The following PDE3A variants were observed in gnomAD, a reference collection of about 807,000 sequenced individuals.
PDE3A encodes phosphodiesterase 3A, also known as cGMP-inhibited 3',5'-cyclic phosphodiesterase 3A.
PDE3A carries 43 observed loss-of-function variants against 98.3 expected under a neutral mutation model. That is an observed-to-expected ratio of 0.44 (90% confidence interval 0.34 to 0.56). The LOEUF (loss-of-function observed/expected upper bound fraction) is 0.56, where lower values mean the gene tolerates loss of function less well. Among genes scored for constraint, PDE3A ranks in the 20% least tolerant of loss-of-function variants. The pLI is 0.01. For missense variants in PDE3A, 1,427 were observed against 1,440.7 expected, an observed-to-expected ratio of 0.99 and a Z score of 0.15; for synonymous variants, 663 against 567.9, an observed-to-expected ratio of 1.17 and a Z score of -2.38.
At chr12:20,417,576 A>G (rs1017022574) in intron 1 of PDE3A, among the ~76,000 whole-genome samples, 1 of 152,232 alleles carries the variant, frequency 6.6e-6, no homozygotes, top group Non-Finnish European at 1.5e-5. Context: ...ATCAAGAAAT[A>G]TGTGAGTTCA....
chr12:20,441,289 G>A (rs10770660), intron 1 of PDE3A, among the ~76,000 whole-genome samples: 75,918 of 151,884 alleles, frequency 0.5, 19,371 homozygotes, highest in Admixed American at 0.58. Flanking sequence ...AGGATCCTTC[G>A]TGGAGCAGAT....
chr12:20,572,445 C>T (rs1427302176), intron 2 of PDE3A, among the ~76,000 whole-genome samples: 3 of 152,022 alleles, frequency 2.0e-5, no homozygotes, highest in Admixed American at 6.6e-5. Context: ...ATTTTATTAA[C>T]TTAGAACTGT....
chr12:20,591,599 G>A (rs1943339913), intron 2 of PDE3A, among the ~76,000 whole-genome samples: 1 of 152,336 alleles, frequency 6.6e-6, no homozygotes, highest in Non-Finnish European at 1.5e-5. Context: ...AGGGATCAGA[G>A]GAAGAAAGAA....
intron 1 of PDE3A, among the ~76,000 whole-genome samples, chr12:20,378,438 C>T (rs757202852): frequency 5.3e-5 from 8 of 151,494 alleles, no homozygotes; most frequent in South Asian, 2.1e-4. Flanking sequence ...ATGTGTATAA[C>T]GTTTATATCT....
chr12:20,566,219 CT>C (rs1260676051), intron 2 of PDE3A, among the ~76,000 whole-genome samples: 1 of 151,340 alleles, frequency 6.6e-6, no homozygotes, highest in Non-Finnish European at 1.5e-5. Context: ...TTTTTTTCTC[CT>C]TTTTTGGTGG....
chr12:20,404,826 G>GTTTTTTT lies in PDE3A; in HGVS notation c.960+34598_960+34604dup, dbSNP rs60736941. ...ATTCCACACATGTGTAGGTTACAGAGTTTTTTTTTTTTTTTTTTTTTTGAG... is the reference window on the plus strand; with the variant it reads ...ATTCCACACATGTGTAGGTTACAGAGTTTTTTTTTTTTTTTTTTTTTTTTTTTTTGAG... On this transcript the variant is annotated intron_variant, in intron 1 of 15. Transcript: ENST00000359062. Among the ~76,000 whole-genome samples the GTTTTTTT allele has an allele frequency of 5.7e-4, 54 of 95,082 alleles. 3 individuals are homozygous for GTTTTTTT. Among genetic ancestry groups the GTTTTTTT allele is most frequent in the East Asian group, 1.5e-3 (4 of 2,670 alleles). 62.4% of individuals were successfully genotyped at this position (95,082 alleles called of 152,430 possible). A position where few individuals can be genotyped will look rare whatever the true frequency, so the allele number is the denominator to read the frequency against.
intron 15 of PDE3A, among the ~76,000 whole-genome samples, chr12:20,678,702 A>C (rs1945697886): frequency 6.6e-6 from 1 of 152,226 alleles, no homozygotes; most frequent in South Asian, 2.1e-4. Context: ...ATGCATAAGC[A>C]AAGGAGAAAG....
At chr12:20,509,343 T>C (rs1412327625) in intron 1 of PDE3A, among the ~76,000 whole-genome samples, 1 of 150,160 alleles carries the variant, frequency 6.7e-6, no homozygotes, top group African/African-American at 2.4e-5. Context: ...TTTAGTGTTC[T>C]GGGCTTCTAG....
At position 20,552,605 on chromosome 12, in the gene PDE3A, C is replaced by A; in HGVS notation, c.961-4055C>A. 6.2e-7 allele frequency: 1 copy of A among 1,613,718 alleles called. No individual in the cohort carries two copies. The highest frequency in any genetic ancestry group is 2.2e-5 in the East Asian group (1 of 44,842). On this transcript the variant is annotated intron_variant, in intron 1 of 15. Coordinates refer to ENST00000359062, the MANE Select transcript of PDE3A (RefSeq NM_000921.5). This position sits in a 1 kb window ranked among gnomAD's most constrained non-coding sequence, Gnocchi z 5.1. ...TCGGCAGGAGGTGGCCCGAGCAGGG[C>A]CGGGTCCCCGCGCCGGACATCCAAG...
At chr12:20,610,633 AATGG>A (rs1170295215) in intron 2 of PDE3A, among the ~76,000 whole-genome samples, 1 of 151,986 alleles carries the variant, frequency 6.6e-6, no homozygotes, top group African/African-American at 2.4e-5. Flanking sequence ...TCCATGAATG[AATGG>A]ATGAAGAAAA....
chr12:20,545,777 C>CAA lies in PDE3A; in HGVS notation c.961-10871_961-10870dup, dbSNP rs5796868. On this transcript the variant is annotated intron_variant, in intron 1 of 15. Coordinates refer to ENST00000359062, the MANE Select transcript of PDE3A (RefSeq NM_000921.5). The stretch of plus-strand genomic sequence containing the variant: ...GTAAAGGGCAAGAGGTAGTGGCTGC[C>CAA]AAAAAAAAAAAAACAAAACAAAACA... 2.4e-3 allele frequency among the ~76,000 whole-genome samples: 339 copies of CAA among 141,102 alleles called. 5 individuals carry two copies. The highest frequency in any genetic ancestry group is 4.4e-3 in the African/African-American group (165 of 37,924). 92.6% of individuals were successfully genotyped at this position (141,102 alleles called of 152,430 possible).
chr12:20,480,608 T>C (rs1407031005), intron 1 of PDE3A, among the ~76,000 whole-genome samples: 5 of 152,246 alleles, frequency 3.3e-5, no homozygotes, highest in Middle Eastern at 3.2e-3. Context: ...ATAATTTTCC[T>C]TAACTTATTG....
chr12:20,669,809 A>G (rs1246491133), intron 15 of PDE3A, among the ~76,000 whole-genome samples: 1 of 152,136 alleles, frequency 6.6e-6, no homozygotes, highest in African/African-American at 2.4e-5. Context: ...CAAAATAACC[A>G]GCTAACATCA....
chr12:20,612,163 A>G (rs1377650389), intron 2 of PDE3A, among the ~76,000 whole-genome samples: 1 of 151,798 alleles, frequency 6.6e-6, no homozygotes, highest in East Asian at 1.9e-4. Context: ...GGTGTTATAA[A>G]TCTTTTACTG....
At chr12:20,535,898 T>C (rs1941736836) in intron 1 of PDE3A, among the ~76,000 whole-genome samples, 1 of 152,134 alleles carries the variant, frequency 6.6e-6, no homozygotes, top group Non-Finnish European at 1.5e-5. Flanking sequence ...GGGGATTTAC[T>C]CACAGAAAAT....
chr12:20,381,922 C>T (rs1482337008), intron 1 of PDE3A, among the ~76,000 whole-genome samples: 1 of 151,720 alleles, frequency 6.6e-6, no homozygotes, highest in African/African-American at 2.4e-5. Context: ...CCATGTTAAT[C>T]AAACTATTGT....
At chr12:20,416,387 GGA>G (rs1944421633) in intron 1 of PDE3A, among the ~76,000 whole-genome samples, 1 of 152,156 alleles carries the variant, frequency 6.6e-6, no homozygotes, top group African/African-American at 2.4e-5. Flanking sequence ...AGACATGAAT[GGA>G]TATAACCCAC....
chr12:20,665,676 C>T (rs1945289913), intron 15 of PDE3A, among the ~76,000 whole-genome samples: 1 of 151,972 alleles, frequency 6.6e-6, no homozygotes, highest in Non-Finnish European at 1.5e-5. Flanking sequence ...AATGTACATT[C>T]CTATAAGCAA....
intron 1 of PDE3A, among the ~76,000 whole-genome samples, chr12:20,516,168 C>A (rs1462374218): frequency 6.6e-6 from 1 of 152,014 alleles, no homozygotes; most frequent in African/African-American, 2.4e-5. Context: ...TGAAGACAAG[C>A]ATACTTTTTT....
Sources: gnomAD v4.1 joint callset for allele counts (sites outside exome capture counted in the v4.1 genomes callset) on GRCh38, gnomAD v4.1.1 for gene constraint, Gnocchi (gnomAD v3.1) non-coding constraint, MANE v1.5 for transcripts, NCBI Gene and HGNC (gene_info 2026-07-23, HGNC 2026-07-21) for gene names.